Variants in SUSD6 observed in about 807,000 individuals in gnomAD.
The protein encoded by SUSD6 is sushi domain containing 6.
In SUSD6, 16 loss-of-function variants were observed where a neutral mutation model predicts 28.4. That is an observed-to-expected ratio of 0.56 (90% CI 0.38 to 0.86). SUSD6 has a LOEUF of 0.86. Among genes scored for constraint, SUSD6 ranks in the 40% least tolerant of loss-of-function variants. The probability of loss-of-function intolerance (pLI) is 0.00; values close to 1 mark genes in which losing one functional copy is unlikely to be tolerated. For synonymous variants in SUSD6, 147 were observed against 159.6 expected (o/e 0.92, Z 0.59); for missense variants, 341 against 384.2 (o/e 0.89, Z 0.94).
chr14:69,687,880 T>G (rs1011298722), intron 2 of SUSD6, among the ~76,000 whole-genome samples: 5 of 152,226 alleles, frequency 3.3e-5, no homozygotes, highest in African/African-American at 1.2e-4. Context: ...TTTTTGTTTT[T>G]TTTCTTTTTT....
chr14:69,682,464 G>A (rs1886010524), intron 2 of SUSD6, among the ~76,000 whole-genome samples: 1 of 152,038 alleles, frequency 6.6e-6, no homozygotes, highest in Admixed American at 6.6e-5. Context: ...GTGGAACCCA[G>A]GCCCTCTGGC....
At chr14:69,701,926 G>A (rs1292207406) in intron 2 of SUSD6, among the ~76,000 whole-genome samples, 1 of 151,996 alleles carries the variant, frequency 6.6e-6, no homozygotes, top group Non-Finnish European at 1.5e-5. Context: ...TTTCCATTTG[G>A]TGTCCACTCC....
intron 2 of SUSD6, among the ~76,000 whole-genome samples, chr14:69,675,130 G>A (rs1885888644): frequency 6.6e-6 from 1 of 151,240 alleles, no homozygotes; most frequent in African/African-American, 2.4e-5. Context: ...TGGTTTTAAT[G>A]ACTGGCTTTG....
At chr14:69,651,407 ATGGCTTAGG>A (rs1445569781) in intron 1 of SUSD6, among the ~76,000 whole-genome samples, 4 of 152,170 alleles carry the variant, frequency 2.6e-5, no homozygotes, top group African/African-American at 9.7e-5. Flanking sequence ...ACACTGTGTA[ATGGCTTAGG>A]TGGCTTAAGA....
In SUSD6 at chr14:69,682,415, A is replaced by G. The variant is rs564310523; in HGVS notation, c.122-20980A>G. 9.2e-5 allele frequency among the ~76,000 whole-genome samples: 14 copies of G among 152,224 alleles called. No homozygotes were observed. In the East Asian group the frequency reaches 2.1e-3, roughly 23 times the overall value. The stretch of plus-strand genomic sequence containing the variant: ...TTGCATATCAAGCAGAATGGTACCA[A>G]TTTTCTCATTCTGCCCTACTTTGCC... On this transcript the variant is annotated intron_variant, in intron 2 of 5. Coordinates refer to ENST00000342745, the MANE Select transcript of SUSD6 (RefSeq NM_014734.4).
intron 2 of SUSD6, among the ~76,000 whole-genome samples, chr14:69,702,314 C>CA (rs1337891416): frequency 1.3e-5 from 2 of 152,220 alleles, no homozygotes; most frequent in Non-Finnish European, 2.9e-5. Flanking sequence ...GTAGTGCCCC[C>CA]ACTTTTACTG....
chr14:69,654,751 C>G (rs548862671), intron 1 of SUSD6, among the ~76,000 whole-genome samples: 1 of 149,752 alleles, frequency 6.7e-6, no homozygotes, highest in Non-Finnish European at 1.5e-5. Flanking sequence ...TCCCTGAAGG[C>G]GACCATTAGT....
chr14:69,640,952 A>G (rs1270272470), intron 1 of SUSD6, among the ~76,000 whole-genome samples: 1 of 152,196 alleles, frequency 6.6e-6, no homozygotes. Context: ...ATCCTTTTTC[A>G]GTTTCAGAGG....
At chr14:69,675,059 A>G (rs1885887712) in intron 2 of SUSD6, among the ~76,000 whole-genome samples, 1 of 150,294 alleles carries the variant, frequency 6.7e-6, no homozygotes, top group Non-Finnish European at 1.5e-5. Context: ...CCTCTGCTTT[A>G]ATCTGAGACA....
intron 2 of SUSD6, among the ~76,000 whole-genome samples, chr14:69,673,672 C>T (rs1198208678): frequency 1.3e-5 from 2 of 152,248 alleles, no homozygotes; most frequent in East Asian, 3.9e-4. Context: ...AGCCCCGGGG[C>T]TGGATCATTT....
At chr14:69,616,229 G>T (rs1884957951) in intron 1 of SUSD6, among the ~76,000 whole-genome samples, 1 of 152,146 alleles carries the variant, frequency 6.6e-6, no homozygotes. Flanking sequence ...CCTCAGAGAA[G>T]GGACACAAAT....
intron 1 of SUSD6, among the ~76,000 whole-genome samples, chr14:69,639,313 C>CA (rs57837741): frequency 0.063 from 3,431 of 54,498 alleles, 952 homozygotes; most frequent in African/African-American, 0.23. Flanking sequence ...GACTCCGTCT[C>CA]AAAAAAAAAA....
intron 2 of SUSD6, among the ~76,000 whole-genome samples, chr14:69,672,038 A>T (rs1322477962): frequency 1.3e-5 from 2 of 152,204 alleles, no homozygotes; most frequent in African/African-American, 4.8e-5. Flanking sequence ...GGATTATTAT[A>T]ATACTATTTT....
chr14:69,612,998 CAT>C (rs1246444638), intron 1 of SUSD6, among the ~76,000 whole-genome samples: 8 of 152,182 alleles, frequency 5.3e-5, no homozygotes, highest in Admixed American at 5.2e-4. Context: ...CTAGTAGAGA[CAT>C]GTGCTTGGCA....
intron 1 of SUSD6, among the ~76,000 whole-genome samples, chr14:69,630,651 G>A (rs193261769): frequency 2.6e-5 from 4 of 151,476 alleles, no homozygotes; most frequent in Admixed American, 1.3e-4. Context: ...CGTGCTTCAT[G>A]TTTGGACTCT....
intron 1 of SUSD6, among the ~76,000 whole-genome samples, chr14:69,647,590 G>A (rs1045533643): frequency 1.3e-5 from 2 of 152,046 alleles, no homozygotes; most frequent in African/African-American, 2.4e-5. Flanking sequence ...CATAAAGGCT[G>A]AGGATGTGTA....
intron 1 of SUSD6, among the ~76,000 whole-genome samples, chr14:69,639,824 G>A (rs1456384400): frequency 1.3e-5 from 2 of 152,156 alleles, no homozygotes; most frequent in Non-Finnish European, 2.9e-5. Context: ...TTACCCCCAA[G>A]GTGTGACAAC....
At position 69,687,836 on chromosome 14, in the gene SUSD6, T is replaced by G. The variant is rs140301887; in HGVS notation, c.122-15559T>G. 3.3e-3 allele frequency among the ~76,000 whole-genome samples: 507 copies of G among 152,370 alleles called. 3 individuals are homozygous for G. Among genetic ancestry groups the G allele is most frequent in the South Asian group, 0.022 (108 of 4,832 alleles). ...GTGGCACCAGCTGGGGATGTCTGGC[T>G]TTGTGGAAGATTGCAATTAGATGCT... On this transcript the variant is annotated intron_variant, in intron 2 of 5. Transcript: ENST00000342745.
At chr14:69,617,705 C>G (rs1884979216) in intron 1 of SUSD6, 1 of 152,212 alleles carries the variant, frequency 6.6e-6, no homozygotes, top group Admixed American at 6.5e-5. Flanking sequence ...ACCCCCAAAG[C>G]CTTCCTTATC....
Sources: gnomAD v4.1 joint callset for allele counts (sites outside exome capture counted in the v4.1 genomes callset) on GRCh38, gnomAD v4.1.1 for gene constraint, MANE v1.5 for transcripts, NCBI Gene and HGNC (gene_info 2026-07-23, HGNC 2026-07-21) for gene names.